The following FRMPD4 variants were observed in gnomAD, a reference collection of about 807,000 sequenced individuals.
The protein encoded by FRMPD4 is FERM and PDZ domain-containing protein 4.
FRMPD4 carries 22 observed loss-of-function variants against 94.1 expected under a neutral mutation model. The ratio of observed to expected loss-of-function variants is 0.23; its 90% CI spans 0.17 to 0.33. The LOEUF (loss-of-function observed/expected upper bound fraction) is 0.33. Ranked by LOEUF, FRMPD4 falls within the 10% of genes least tolerant of loss-of-function variation. The pLI is 1.00. For synonymous variants in FRMPD4, 631 were observed against 548.6 expected (o/e 1.15, Z -2.10); for missense variants, 1,111 against 1,339.9 (o/e 0.83, Z 2.67).
At chrX:11,909,047 A>T (rs906935159) in intron 3 of FRMPD4, among the ~76,000 whole-genome samples, 4 of 111,618 alleles carry the variant, frequency 3.6e-5, no homozygotes, top group African/African-American at 1.3e-4. Flanking sequence ...TTGTTTTTAT[A>T]TCAAGGTAGT....
intron 4 of FRMPD4, among the ~76,000 whole-genome samples, chrX:12,617,044 A>G (rs2059242379): frequency 8.9e-6 from 1 of 112,191 alleles, no homozygotes; most frequent in African/African-American, 3.2e-5. Context: ...TCCAAGAAAG[A>G]TATTTTATTT....
intron 1 of FRMPD4, among the ~76,000 whole-genome samples, chrX:12,451,733 C>CGTGTGTGTGTGTGTGTGTGTGTGTGTGT (rs72300557): frequency 1.6e-4 from 16 of 98,813 alleles, no homozygotes; most frequent in African/African-American, 5.9e-4. Flanking sequence ...TGTGTATGCC[C>CGTGTGTGTGTGTGTGTGTGTGTGTGTGT]GTGTGTGTGT....
intron 3 of FRMPD4, among the ~76,000 whole-genome samples, chrX:12,113,246 C>G (rs1374626765): frequency 8.9e-6 from 1 of 112,246 alleles, no homozygotes; most frequent in Non-Finnish European, 1.9e-5. Context: ...ATTAAACTAA[C>G]TGGAAGTTAT....
intron 1 of FRMPD4, among the ~76,000 whole-genome samples, chrX:12,273,238 G>A (rs1387936940): frequency 8.9e-6 from 1 of 111,862 alleles, no homozygotes; most frequent in Non-Finnish European, 1.9e-5. Flanking sequence ...CAAAATGAAC[G>A]CCTTAAAAAG....
intron 1 of FRMPD4, among the ~76,000 whole-genome samples, chrX:12,226,998 A>G (rs756755175): frequency 3.4e-4 from 38 of 111,905 alleles, no homozygotes; most frequent in Non-Finnish European, 5.4e-4. Context: ...ATGGAGAATT[A>G]CCTCCCAACA....
chrX:12,301,504 C>A (rs1444769813), intron 1 of FRMPD4, among the ~76,000 whole-genome samples: 1 of 111,438 alleles, frequency 9.0e-6, no homozygotes, highest in Non-Finnish European at 1.9e-5. Context: ...TCCTCCTCTC[C>A]CATGTTAGTC....
Position 11,991,054 on chromosome X carries a change from T to G in FRMPD4, c.95+113036T>G, listed in dbSNP as rs1195053431. On this transcript the variant is annotated intron_variant, in intron 3 of 18. Transcript: ENST00000640291. ...ATCTGTAGTTCCTTGCCATGGGACC[T>G]TCTCCATAATGGTCATTTACTAAAT... 4.5e-5 allele frequency among the ~76,000 whole-genome samples: 5 copies of G among 112,279 alleles called. No individual in the cohort carries two copies. In the East Asian group the frequency reaches 1.1e-3, roughly 25 times the overall value.
At chrX:11,855,564 A>G (rs1433071890) in intron 1 of FRMPD4, among the ~76,000 whole-genome samples, 1 of 112,251 alleles carries the variant, frequency 8.9e-6, no homozygotes, top group Admixed American at 9.4e-5. Context: ...AAAATTCCAC[A>G]GATCTCTAGG....
At chrX:12,693,867 C>T (rs1346966106) in intron 8 of FRMPD4, among the ~76,000 whole-genome samples, 1 of 111,741 alleles carries the variant, frequency 8.9e-6, no homozygotes, top group Non-Finnish European at 1.9e-5. Context: ...CGGAGCCCAT[C>T]GTGTCCAAAC....
At chrX:12,561,066 G>GC (rs1390501977) in intron 2 of FRMPD4, among the ~76,000 whole-genome samples, 1 of 110,544 alleles carries the variant, frequency 9.0e-6, no homozygotes, top group African/African-American at 3.3e-5. Flanking sequence ...ACCGCGCCCG[G>GC]CCCCCTCATC....
intron 1 of FRMPD4, among the ~76,000 whole-genome samples, chrX:12,434,104 C>T (rs999454705): frequency 4.5e-5 from 5 of 111,637 alleles, no homozygotes; most frequent in Non-Finnish European, 9.4e-5. Flanking sequence ...GATCTCAGCT[C>T]TAATGCTCTA....
intron 3 of FRMPD4, among the ~76,000 whole-genome samples, chrX:11,895,872 C>T (rs781781714): frequency 8.0e-5 from 9 of 112,313 alleles, no homozygotes; most frequent in Non-Finnish European, 1.5e-4. Context: ...GTTGTATAAG[C>T]ACCCTGAGAT....
intron 1 of FRMPD4, among the ~76,000 whole-genome samples, chrX:12,454,529 A>AG (rs2057310248): frequency 9.2e-6 from 1 of 108,168 alleles, no homozygotes; most frequent in Non-Finnish European, 1.9e-5. Flanking sequence ...GAATTGCTGG[A>AG]GGGTTTTTTT....
intron 1 of FRMPD4, among the ~76,000 whole-genome samples, chrX:12,167,347 A>C (rs1299969870): frequency 8.9e-6 from 1 of 111,851 alleles, no homozygotes; most frequent in East Asian, 2.8e-4. Flanking sequence ...TTCAGTTTTC[A>C]TGTAGTTGAG....
At chrX:12,440,089 A>C (rs2057117810) in intron 1 of FRMPD4, among the ~76,000 whole-genome samples, 2 of 111,779 alleles carry the variant, frequency 1.8e-5, no homozygotes, top group African/African-American at 6.5e-5. Flanking sequence ...GATTGCTTTG[A>C]GGGTCTGATA....
chrX:12,599,133 G>T (rs1257194859), intron 2 of FRMPD4, among the ~76,000 whole-genome samples: 1 of 110,799 alleles, frequency 9.0e-6, no homozygotes, highest in Non-Finnish European at 1.9e-5. Flanking sequence ...TTAAGATGGG[G>T]AGGAGACCTG....
intron 2 of FRMPD4, among the ~76,000 whole-genome samples, chrX:12,541,731 T>C (rs776640907): frequency 1.8e-5 from 2 of 111,905 alleles, no homozygotes; most frequent in East Asian, 2.8e-4. Flanking sequence ...TCCTCCCTAA[T>C]TCATTTTATG....
At chrX:12,102,798 A>C (rs1469022000) in intron 3 of FRMPD4, among the ~76,000 whole-genome samples, 1 of 110,236 alleles carries the variant, frequency 9.1e-6, no homozygotes, top group African/African-American at 3.3e-5. Context: ...TCCTGGCGAT[A>C]CTAGATTTTC....
At chrX:12,612,019 A>G (rs1170556212) in intron 3 of FRMPD4, among the ~76,000 whole-genome samples, 1 of 111,692 alleles carries the variant, frequency 9.0e-6, no homozygotes, top group Non-Finnish European at 1.9e-5. Flanking sequence ...CCGTGCATAC[A>G]CAAACACACA....
Sources: gnomAD v4.1 joint callset for allele counts (sites outside exome capture counted in the v4.1 genomes callset) on GRCh38, gnomAD v4.1.1 for gene constraint, MANE v1.5 for transcripts, NCBI Gene and HGNC (gene_info 2026-07-23, HGNC 2026-07-21) for gene names.